The following BPTF variants were observed in gnomAD, a reference collection of about 807,000 sequenced individuals.
BPTF encodes the protein bromodomain PHD finger transcription factor, also known as nucleosome-remodeling factor subunit BPTF.
In BPTF, 18 loss-of-function variants were observed where a neutral mutation model predicts 292.5. That is an observed-to-expected ratio of 0.06 (90% CI 0.04 to 0.09). BPTF has a LOEUF of 0.09. BPTF is among the 10% of genes least tolerant of loss of function. BPTF has a pLI of 1.00. For missense variants in BPTF, 2,726 were observed against 3,498.7 expected, an observed-to-expected ratio of 0.78 and a Z score of 5.57; for synonymous variants, 1,225 against 1,251.9, an observed-to-expected ratio of 0.98 and a Z score of 0.45.
chr17:67,939,246 A>G (rs2065171829), intron 18 of BPTF, among the ~76,000 whole-genome samples: 1 of 152,246 alleles, frequency 6.6e-6, no homozygotes. Context: ...GAATGTCAAA[A>G]TAAGTTTCAT....
At chr17:67,832,264 A>C (rs1441524577) in intron 1 of BPTF, among the ~76,000 whole-genome samples, 1 of 152,122 alleles carries the variant, frequency 6.6e-6, no homozygotes, top group Non-Finnish European at 1.5e-5. Flanking sequence ...TTAAAAAAAA[A>C]AAACCACTTA....
Position 67,904,798 on chromosome 17 carries a change from C to G in BPTF, c.2770C>G (p.Pro924Ala), listed in dbSNP as rs778012138. ...THVYRFVPKL[P>A]GNTNVNYRKS... Reference sequence around the variant, plus strand: ...TGTTTATAGGTTTGTTCCTAAATTGCCAGGCAATACTAATGTGAATTACAG... The same window carrying G: ...TGTTTATAGGTTTGTTCCTAAATTGGCAGGCAATACTAATGTGAATTACAG... Residue 924 changes from proline (P) to alanine (A), a missense_variant, in exon 9 of 28, where the codon CCA becomes GCA. Pro to Ala is a conservative substitution (Grantham distance 27). Around this residue, in one of 22 missense-constraint regions of BPTF, gnomAD observed 99 missense variants for 227.1 expected, o/e 0.44. Transcript: ENST00000306378. 2 of 1,612,698 alleles carry G rather than the reference C, an allele frequency of 1.2e-6. No homozygotes were observed. The highest frequency in any genetic ancestry group is 1.7e-5 in the Admixed American group (1 of 59,972).
At chr17:67,896,488 A>AC (rs749232290) in intron 7 of BPTF, among the ~76,000 whole-genome samples, 348 of 152,262 alleles carry the variant, frequency 2.3e-3, no homozygotes, top group Non-Finnish European at 3.5e-3. Flanking sequence ...GTGCACATAG[A>AC]CCCCTTGAAT....
chr17:67,911,639 C>A lies in BPTF; in HGVS notation c.3755C>A (p.Ala1252Asp). The stretch of plus-strand genomic sequence containing the variant: ...ACCATTGTTTCTTCTTCCAAGAGTG[C>A]TTTACATTCATCAGTGCCTAAAAGT... ...SDTIVSSSKSALHSSVPKSTN... is the reference protein window; with the variant it reads ...SDTIVSSSKSDLHSSVPKSTN... Residue 1252 changes from alanine to aspartate, a missense_variant, in exon 11 of 28, where the codon GCT (alanine) becomes GAT (aspartate). Physicochemically the swap from Ala to Asp is moderately radical, Grantham distance 126. Around this residue, in one of 22 missense-constraint regions of BPTF, gnomAD observed 713 missense variants for 714.9 expected, o/e 1.00. Coordinates refer to ENST00000306378, the MANE Select transcript of BPTF (RefSeq NM_182641.4). The A allele has an allele frequency of 6.2e-7, 1 of 1,614,122 alleles. No homozygotes were observed. Among genetic ancestry groups the A allele is most frequent in the South Asian group, 1.1e-5 (1 of 91,070 alleles).
rs540720797 is a variant in BPTF at position 67,826,563 on chromosome 17, C to A, written c.613+226C>A. Among the ~76,000 whole-genome samples, 180 of 148,360 alleles carry A rather than the reference C, an allele frequency of 1.2e-3. 1 individual carries two copies. The highest frequency in any genetic ancestry group is 2.1e-3 in the Non-Finnish European group (143 of 67,332). On this transcript the variant is annotated intron_variant, in intron 1 of 27. Coordinates refer to ENST00000306378, the MANE Select transcript of BPTF (RefSeq NM_182641.4). ...TTGCATTGTTGCAGTTTGCAGGCCA[C>A]ACTCGCTCGCTCTCTCTCCCCCCCC...
intron 2 of BPTF, among the ~76,000 whole-genome samples, chr17:67,855,855 C>A (rs1177574106): frequency 6.6e-6 from 1 of 152,190 alleles, no homozygotes; most frequent in African/African-American, 2.4e-5. Flanking sequence ...GAAACTTTAT[C>A]AGTGTGCTGT....
At chr17:67,904,059 C>T (rs189131512) in intron 8 of BPTF, 141 bp downstream of exon 8, 21 of 819,256 alleles carry the variant, frequency 2.6e-5, no homozygotes, top group African/African-American at 2.2e-4. Flanking sequence ...GACAGAGTCT[C>T]GCTCTGTTGC....
At chr17:67,919,548 ATTTT>A (rs1555656930) in intron 12 of BPTF, among the ~76,000 whole-genome samples, 1 of 151,464 alleles carries the variant, frequency 6.6e-6, no homozygotes, top group Non-Finnish European at 1.5e-5. Context: ...CTTAAAAAAA[ATTTT>A]TTTTTCACAT....
At chr17:67,930,924 C>A (rs563176598) in intron 17 of BPTF, among the ~76,000 whole-genome samples, 1 of 151,122 alleles carries the variant, frequency 6.6e-6, no homozygotes, top group East Asian at 2.0e-4. Flanking sequence ...CACTGCACTG[C>A]AGTCTAAGTG....
At chr17:67,926,944 A>C (rs900989375) in intron 15 of BPTF, among the ~76,000 whole-genome samples, 2 of 151,794 alleles carry the variant, frequency 1.3e-5, no homozygotes, top group African/African-American at 4.8e-5. Context: ...TAACTGATTT[A>C]ATCAGATGAT....
In BPTF at chr17:67,983,513, G is replaced by A. The variant is rs782735412; in HGVS notation, c.*1225G>A. The A allele has an allele frequency of 1.3e-5, 2 of 152,728 alleles. No individual in the cohort carries two copies. The highest frequency in any genetic ancestry group is 2.9e-5 in the Non-Finnish European group (2 of 68,024). 9.5% of individuals were successfully genotyped at this position (152,728 alleles called of 1,614,324 possible). On this transcript the variant is annotated 3_prime_UTR_variant, in exon 28 of 28. Transcript: ENST00000306378. Reference sequence around the variant, plus strand: ...ATCCTCTGTGTTATTTGTTGATTGGGTTTGTTTTCTGTTTGTTGGTTTGTT... The same window carrying A: ...ATCCTCTGTGTTATTTGTTGATTGGATTTGTTTTCTGTTTGTTGGTTTGTT...
At position 67,984,354 on chromosome 17, in the gene BPTF, ATAAAG is replaced by A. The variant is rs782582651; in HGVS notation, c.*2070_*2074del. ...TAATAGGACATTTCATCCTAGAAAAATAAAGTAATGTTTTTGACATTGGATTTGGT... is the reference window on the plus strand; with the variant it reads ...TAATAGGACATTTCATCCTAGAAAAATAATGTTTTTGACATTGGATTTGGT... On this transcript the variant is annotated 3_prime_UTR_variant, in exon 28 of 28. Coordinates refer to ENST00000306378, the MANE Select transcript of BPTF (RefSeq NM_182641.4). 2.3e-4 allele frequency: 35 copies of A among 152,714 alleles called. 1 individual carries two copies. The highest frequency in any genetic ancestry group is 5.2e-4 in the Admixed American group (8 of 15,276). The allele number at this position is 152,714 out of a possible 1,614,324, so 9.5% of individuals were successfully genotyped here.
chr17:67,873,285 C>T (rs2059859888), intron 3 of BPTF, among the ~76,000 whole-genome samples: 1 of 151,754 alleles, frequency 6.6e-6, no homozygotes, highest in Non-Finnish European at 1.5e-5. Flanking sequence ...TGGTGAAACC[C>T]CGTCTCTACT....
At chr17:67,905,481 A>C (rs1305376048) in intron 9 of BPTF, among the ~76,000 whole-genome samples, 1 of 151,982 alleles carries the variant, frequency 6.6e-6, no homozygotes, top group Non-Finnish European at 1.5e-5. Flanking sequence ...CTGAGGCAGG[A>C]GGATCACTTG....
intron 19 of BPTF, among the ~76,000 whole-genome samples, chr17:67,943,147 G>T (rs1366680224): frequency 1.3e-5 from 2 of 152,142 alleles, no homozygotes; most frequent in African/African-American, 2.4e-5. Context: ...TGAGTCATAT[G>T]GGGACTTCTA....
intron 4 of BPTF, among the ~76,000 whole-genome samples, chr17:67,884,491 C>T (rs1567976063): frequency 6.6e-6 from 1 of 151,990 alleles, no homozygotes; most frequent in Non-Finnish European, 1.5e-5. Flanking sequence ...TCACGGCTCA[C>T]TGCAGCCTCT....
chr17:67,902,734 GT>G (rs1274056457), intron 7 of BPTF, among the ~76,000 whole-genome samples: 1 of 152,128 alleles, frequency 6.6e-6, no homozygotes, highest in Non-Finnish European at 1.5e-5. Flanking sequence ...GGAGTTTTTT[GT>G]GGGGGGAAAG....
In BPTF at chr17:67,922,875, A is replaced by G; in HGVS notation, c.5593A>G (p.Ser1865Gly). The change falls in exon 14 of 28, where the codon AGT becomes GGT. Residue 1865 changes from serine (S) to glycine (G), a missense_variant. Physicochemically the swap from Ser to Gly is moderately conservative, Grantham distance 56 (BLOSUM62 0). Around this residue, in one of 22 missense-constraint regions of BPTF, gnomAD observed 198 missense variants for 277.1 expected, o/e 0.71. Transcript: ENST00000306378. ...ACCTCAGAGGAAAGGCCTTCGATCA[A>G]GTGCACTGCGGCCAAAGAGACCAGA... Reference protein sequence around the residue: ...PTPQRKGLRSSALRPKRPETP... With the variant: ...PTPQRKGLRSGALRPKRPETP... 6.2e-7 allele frequency: 1 copy of G among 1,613,814 alleles called. No homozygotes were observed. Among genetic ancestry groups the G allele is most frequent in the South Asian group, 1.1e-5 (1 of 90,990 alleles).
At position 67,944,317 on chromosome 17, in the gene BPTF, A is replaced by G; in HGVS notation, c.6645A>G (p.Ala2215=). The G allele has an allele frequency of 3.7e-6, 6 of 1,614,090 alleles. No individual in the cohort carries two copies. Among genetic ancestry groups the G allele is most frequent in the Non-Finnish European group, 5.1e-6 (6 of 1,180,032 alleles). Residue 2215 remains alanine, a synonymous_variant, in exon 20 of 28, where the codon GCA becomes GCG. Transcript: ENST00000306378. ...AGCGATTCCTCTTTACCCCATTGGC[A>G]ACAACAGCCACCACAGCCAGCACCA... ...TVQRFLFTPL[A]TTATTASTTT...
Sources: gnomAD v4.1 joint callset for allele counts (sites outside exome capture counted in the v4.1 genomes callset) on GRCh38, gnomAD v4.1.1 for gene constraint, gnomAD v4.1.1 regional missense constraint, MANE v1.5 for transcripts, NCBI Gene and HGNC (gene_info 2026-07-23, HGNC 2026-07-21) for gene names.